Variants in SLC24A3 observed in about 807,000 individuals in gnomAD.
The protein encoded by SLC24A3 is sodium/potassium/calcium exchanger 3.
A neutral mutation model predicts 75.8 loss-of-function variants in SLC24A3; 28 were observed. The ratio of observed to expected loss-of-function variants is 0.37; its 90% confidence interval spans 0.27 to 0.51. The LOEUF is 0.51. Ranked by LOEUF, SLC24A3 falls within the 20% of genes least tolerant of loss-of-function variation. The probability of loss-of-function intolerance (pLI) is 0.94; values close to 1 mark genes in which losing one functional copy is unlikely to be tolerated. For missense variants in SLC24A3, 663 were observed against 847.8 expected (o/e 0.78, Z 2.71); for synonymous variants, 372 against 334.1 (o/e 1.11, Z -1.24).
At chr20:19,221,580 A>G (rs1568561019) in intron 1 of SLC24A3, among the ~76,000 whole-genome samples, 1 of 152,182 alleles carries the variant, frequency 6.6e-6, no homozygotes, top group East Asian at 1.9e-4. Flanking sequence ...TTCTACCTCT[A>G]CACTTAGAAG....
intron 6 of SLC24A3, among the ~76,000 whole-genome samples, chr20:19,638,272 C>T (rs1439281740): frequency 6.6e-6 from 1 of 151,926 alleles, no homozygotes; most frequent in Non-Finnish European, 1.5e-5. Context: ...CTAGAAAGGC[C>T]TATTATGATT....
Position 19,272,855 on chromosome 20 carries a change from T to A in SLC24A3, c.143-8104T>A, listed in dbSNP as rs80006226. Among the ~76,000 whole-genome samples the A allele has an allele frequency of 2.4e-4, 36 of 152,214 alleles. 1 individual carries two copies. The East Asian group carries it at 6.6e-3, about 28-fold the overall frequency. ...GACACAGCTAAGAAAAAAACATAAC[T>A]GAACTTCCCTGGAGCTTACAACCTG... On this transcript the variant is annotated intron_variant, in intron 1 of 16. Coordinates refer to ENST00000328041, the MANE Select transcript of SLC24A3 (RefSeq NM_020689.4).
intron 15 of SLC24A3, among the ~76,000 whole-genome samples, chr20:19,707,601 A>G (rs543353913): frequency 2.3e-4 from 35 of 152,242 alleles, no homozygotes; most frequent in Non-Finnish European, 4.4e-4. Flanking sequence ...GAGGGGAGAC[A>G]GGTCAAGGAG....
chr20:19,253,155 A>G (rs1982712704), intron 1 of SLC24A3, among the ~76,000 whole-genome samples: 1 of 152,138 alleles, frequency 6.6e-6, no homozygotes, highest in Non-Finnish European at 1.5e-5. Context: ...CATTTCCTAT[A>G]GGAGTAGGTA....
chr20:19,291,500 C>CA (rs1983940671), intron 2 of SLC24A3, among the ~76,000 whole-genome samples: 1 of 152,240 alleles, frequency 6.6e-6, no homozygotes, highest in Admixed American at 6.5e-5. Flanking sequence ...ACTATGTTCA[C>CA]ATTCCACCTT....
intron 6 of SLC24A3, among the ~76,000 whole-genome samples, chr20:19,616,786 T>A (rs1352061261): frequency 6.6e-6 from 1 of 152,090 alleles, no homozygotes; most frequent in East Asian, 1.9e-4. Context: ...CCTTCTGGGC[T>A]CTTCAGCCAA....
chr20:19,466,784 T>C (rs919154309), intron 2 of SLC24A3, among the ~76,000 whole-genome samples: 1 of 152,112 alleles, frequency 6.6e-6, no homozygotes, highest in Non-Finnish European at 1.5e-5. Flanking sequence ...GTCTTTCGAA[T>C]GTACAGAGAT....
intron 8 of SLC24A3, among the ~76,000 whole-genome samples, chr20:19,671,243 G>T (rs1405127254): frequency 2.6e-5 from 4 of 152,184 alleles, no homozygotes; most frequent in African/African-American, 9.7e-5. Context: ...TCTGGGAGAG[G>T]GAAAGAGACG....
intron 2 of SLC24A3, among the ~76,000 whole-genome samples, chr20:19,344,125 A>G (rs1051372148): frequency 3.3e-5 from 5 of 152,258 alleles, no homozygotes; most frequent in African/African-American, 1.2e-4. Context: ...CAGTGAATAA[A>G]GAGAACAATG....
intron 7 of SLC24A3, among the ~76,000 whole-genome samples, chr20:19,661,783 C>T (rs2032329955): frequency 1.3e-5 from 2 of 152,134 alleles, no homozygotes; most frequent in African/African-American, 4.8e-5. Context: ...CCCAGCTCAG[C>T]CAGCCTCTTC....
At chr20:19,472,820 C>A (rs1206404328) in intron 2 of SLC24A3, among the ~76,000 whole-genome samples, 1 of 152,196 alleles carries the variant, frequency 6.6e-6, no homozygotes, top group Non-Finnish European at 1.5e-5. Context: ...CATTTTCAAT[C>A]ATCCACGTTC....
chr20:19,346,143 G>A lies in SLC24A3; in HGVS notation c.271+65056G>A, dbSNP rs62200369. On this transcript the variant is annotated intron_variant, in intron 2 of 16. Coordinates refer to ENST00000328041, the MANE Select transcript of SLC24A3 (RefSeq NM_020689.4). The stretch of plus-strand genomic sequence containing the variant: ...GTGTGTGTATATATATATATGGTGT[G>A]TGTATATATATATGGTGTATATATA... Among the ~76,000 whole-genome samples, 15 of 83,050 alleles carry A rather than the reference G, an allele frequency of 1.8e-4. 6 individuals are homozygous for A. Among genetic ancestry groups the A allele is most frequent in the African/African-American group, 6.4e-4 (12 of 18,650 alleles). The allele number at this position is 83,050 out of a possible 152,430, so 54.5% of individuals were successfully genotyped here.
intron 3 of SLC24A3, among the ~76,000 whole-genome samples, chr20:19,530,396 G>A (rs2030274941): frequency 6.6e-6 from 1 of 152,210 alleles, no homozygotes; most frequent in Admixed American, 6.5e-5. Flanking sequence ...TGATGGAACT[G>A]GTTCAGTGGT....
chr20:19,657,273 T>A (rs930575510), intron 7 of SLC24A3, among the ~76,000 whole-genome samples: 2 of 152,220 alleles, frequency 1.3e-5, no homozygotes, highest in African/African-American at 4.8e-5. Flanking sequence ...TTCTTTTTAC[T>A]TTAACTGGTG....
intron 3 of SLC24A3, among the ~76,000 whole-genome samples, chr20:19,557,507 A>C (rs1423667057): frequency 3.3e-5 from 5 of 152,130 alleles, no homozygotes; most frequent in Non-Finnish European, 7.4e-5. Context: ...CCTCAAACTC[A>C]GTAGCTGTCT....
At chr20:19,631,022 G>A (rs2031926296) in intron 6 of SLC24A3, among the ~76,000 whole-genome samples, 1 of 152,294 alleles carries the variant, frequency 6.6e-6, no homozygotes, top group Middle Eastern at 3.4e-3. Flanking sequence ...ATATGTGTGT[G>A]GAATATGGAT....
chr20:19,407,890 C>T (rs951721530), intron 2 of SLC24A3, among the ~76,000 whole-genome samples: 74 of 152,190 alleles, frequency 4.9e-4, no homozygotes, highest in African/African-American at 1.6e-3. Context: ...TTTCTGCATT[C>T]GTGGTGGTTG....
At chr20:19,530,774 G>T (rs542141342) in intron 3 of SLC24A3, among the ~76,000 whole-genome samples, 3 of 152,268 alleles carry the variant, frequency 2.0e-5, no homozygotes, top group African/African-American at 4.8e-5. Flanking sequence ...GCTTGATATT[G>T]CCTGATGATA....
intron 2 of SLC24A3, among the ~76,000 whole-genome samples, chr20:19,488,358 C>A (rs3790227): frequency 0.34 from 52,330 of 152,068 alleles, 9,615 homozygotes; most frequent in East Asian, 0.51. Flanking sequence ...TGGACTGACA[C>A]GTTAGGATGG....
Sources: allele counts gnomAD v4.1 joint callset (sites outside exome capture counted in the v4.1 genomes callset), GRCh38; gene constraint gnomAD v4.1.1; transcripts MANE v1.5; gene names NCBI Gene and HGNC (gene_info 2026-07-23, HGNC 2026-07-21).